HARS2: variants seen among roughly 807,000 people sequenced by gnomAD.
HARS2 encodes histidine--tRNA ligase, mitochondrial.
A neutral mutation model predicts 62.4 loss-of-function variants in HARS2; 40 were observed. That is an observed-to-expected ratio of 0.64 (90% CI 0.50 to 0.83). The LOEUF is 0.83. HARS2 is among the 40% of genes least tolerant of loss of function. HARS2 has a pLI of 0.00. For synonymous variants in HARS2, 228 were observed against 227.0 expected (o/e 1.00, Z -0.04); for missense variants, 569 against 626.4 (o/e 0.91, Z 0.98).
In HARS2 at chr5:140,698,100, A is replaced by G. The variant is rs1482488421; in HGVS notation, c.1461+22A>G. 1.1e-5 allele frequency: 17 copies of G among 1,611,796 alleles called. 1 individual carries two copies. The highest frequency in any genetic ancestry group is 1.4e-5 in the Non-Finnish European group (17 of 1,178,188). On this transcript the variant is annotated intron_variant, in intron 12 of 12. Transcript: ENST00000230771. ...GGAGGTGAGTGGCGGCAGCAGAAAT[A>G]GAAGGGACGAAGTATTTCTGCCTTT...
Position 140,698,711 on chromosome 5 carries a change from C to T in HARS2, c.*159C>T. On this transcript the variant is annotated 3_prime_UTR_variant, in exon 13 of 13. Transcript: ENST00000230771. Reference sequence around the variant, plus strand: ...TTCCTGGGTGCAGAACTGTAGAAGACCCTGAGGACTCCTGGGCTAGTGTGA... The same window carrying T: ...TTCCTGGGTGCAGAACTGTAGAAGATCCTGAGGACTCCTGGGCTAGTGTGA... 1.3e-6 allele frequency: 1 copy of T among 741,964 alleles called. No homozygotes were observed. Among genetic ancestry groups the T allele is most frequent in the Non-Finnish European group, 2.5e-6 (1 of 405,572 alleles). The allele number at this position is 741,964 out of a possible 1,614,324, so 46.0% of individuals were successfully genotyped here. A position where few individuals can be genotyped will look rare whatever the true frequency, so the allele number is the denominator to read the frequency against.
rs1484805419 is a variant in HARS2, at chr5:140,697,585, T to A, written c.1214T>A (p.Val405Glu). Residue 405 changes from valine (V) to glutamate (E), a missense_variant, in exon 11 of 13, where the codon GTG becomes GAG. By Grantham distance (121) the Val-to-Glu change is moderately radical. Coordinates refer to ENST00000230771, the MANE Select transcript of HARS2 (RefSeq NM_012208.4). ...TCTTATTAGACCAAAGGTGAGAAGG[T>A]GCGGACTACAGAGACTCAAGTGTTT... The part of the protein sequence containing the change: ...EQRMKTKGEK[V>E]RTTETQVFVA... 1 of 1,613,248 alleles carries A rather than the reference T, an allele frequency of 6.2e-7. No individual in the cohort carries two copies. Among genetic ancestry groups the A allele is most frequent in the Admixed American group, 1.7e-5 (1 of 60,008 alleles).
rs746101027 is a variant in HARS2 at position 140,697,635 on chromosome 5, C to G, written c.1264C>G (p.Leu422Val). The change falls in exon 11 of 13, where the codon CTC (leucine) becomes GTC (valine). Residue 422 changes from leucine (L) to valine (V), a missense_variant. By Grantham distance (32) the Leu-to-Val change is conservative. Transcript: ENST00000230771. ...VFVATPQKNFLQERLKLIAEL... is the reference protein window; with the variant it reads ...VFVATPQKNFVQERLKLIAEL... Reference sequence around the variant, plus strand: ...TGTGGCCACACCACAGAAGAACTTTCTCCAAGAACGGTTGAAGCTTATTGC... The same window carrying G: ...TGTGGCCACACCACAGAAGAACTTTGTCCAAGAACGGTTGAAGCTTATTGC... 19 of 1,614,104 alleles carry G rather than the reference C, an allele frequency of 1.2e-5. 1 individual carries two copies. In the East Asian group the frequency reaches 3.3e-4, roughly 28 times the overall value.
chr5:140,696,747 T>A, intron 8 of HARS2, 133 bp downstream of exon 8: 1 of 945,438 alleles, frequency 1.1e-6, no homozygotes, highest in African/African-American at 1.6e-5. Context: ...AATTTCTCTT[T>A]TACTTATTGT....
intron 11 of HARS2, 34 bp from the exon 12 acceptor site, chr5:140,697,898 T>C (rs1759818543): frequency 6.2e-7 from 1 of 1,609,056 alleles, no homozygotes; most frequent in African/African-American, 1.3e-5. Context: ...TGTGTTCACT[T>C]CTAAGTCCCT....
At position 140,696,924 on chromosome 5, in the gene HARS2, A is replaced by G; in HGVS notation, c.827-19A>G. 17 of 1,610,564 alleles carry G rather than the reference A, an allele frequency of 1.1e-5. No individual in the cohort carries two copies. Among genetic ancestry groups the G allele is most frequent in the Non-Finnish European group, 1.4e-5 (17 of 1,178,680 alleles). ...TGAAACACATGTGAGTGAACAGCAG[A>G]GACTTTATTTCTCTCCAGGTGGGGT... is the stretch of plus-strand genomic sequence containing the variant. On this transcript the variant is annotated intron_variant, in intron 8 of 12. Coordinates refer to ENST00000230771, the MANE Select transcript of HARS2 (RefSeq NM_012208.4).
At chr5:140,692,098 A>G in intron 1 of HARS2, 2 of 311,470 alleles carry the variant, frequency 6.4e-6, no homozygotes, top group East Asian at 7.1e-5. Context: ...AGCGAAATAT[A>G]TGAATATTCC....
intron 1 of HARS2, chr5:140,693,334 A>G (rs1025724581): frequency 2.0e-6 from 1 of 508,974 alleles, no homozygotes; most frequent in South Asian, 3.0e-5. Flanking sequence ...TCTGTCTCAA[A>G]AAAAAAAAAA....
At position 140,693,966 on chromosome 5, in the gene HARS2, TTG is replaced by T; in HGVS notation, c.218_219del (p.Val73GlufsTer6). 6.2e-7 allele frequency: 1 copy of T among 1,613,992 alleles called. No individual in the cohort carries two copies. The highest frequency in any genetic ancestry group is 1.1e-5 in the South Asian group (1 of 91,066). On this transcript the variant is annotated frameshift_variant, in exon 3 of 13. Transcript: ENST00000230771. LOFTEE classifies it high-confidence loss of function. The stretch of plus-strand genomic sequence containing the variant: ...AGGGATCTTAGTCCTCAGCATATGG[TTG>T]TGAGGGAGAAAATTCTTGATTTGGT...
In HARS2 at chr5:140,697,598, G is replaced by A. The variant is rs1034840778; in HGVS notation, c.1227G>A (p.Glu409=). 16 of 1,613,712 alleles carry A rather than the reference G, an allele frequency of 9.9e-6. No homozygotes were observed. The African/African-American group carries it at 2.1e-4, about 22-fold the overall frequency. The change falls in exon 11 of 13, where the codon GAG becomes GAA. Residue 409 remains glutamate (E), a synonymous_variant. Transcript: ENST00000230771. ...KTKGEKVRTT[E]TQVFVATPQK... Reference sequence around the variant, plus strand: ...AAGGTGAGAAGGTGCGGACTACAGAGACTCAAGTGTTTGTGGCCACACCAC... The same window carrying A: ...AAGGTGAGAAGGTGCGGACTACAGAAACTCAAGTGTTTGTGGCCACACCAC...
chr5:140,693,099 T>C (rs889956657), intron 1 of HARS2, among the ~76,000 whole-genome samples: 8 of 151,748 alleles, frequency 5.3e-5, no homozygotes, highest in African/African-American at 1.9e-4. Context: ...TTTGGGAGGC[T>C]GAAGCGGTTG....
Position 140,697,605 on chromosome 5 carries a change from G to T in HARS2, c.1234G>T (p.Val412Leu). 1 of 1,613,988 alleles carries T rather than the reference G, an allele frequency of 6.2e-7. No individual in the cohort carries two copies. Among genetic ancestry groups the T allele is most frequent in the South Asian group, 1.1e-5 (1 of 91,080 alleles). The change falls in exon 11 of 13, where the codon GTG (valine) becomes TTG (leucine). Residue 412 changes from valine to leucine, a missense_variant. Transcript: ENST00000230771. The stretch of plus-strand genomic sequence containing the variant: ...GAAGGTGCGGACTACAGAGACTCAA[G>T]TGTTTGTGGCCACACCACAGAAGAA... Reference protein sequence around the residue: ...GEKVRTTETQVFVATPQKNFL... With the variant: ...GEKVRTTETQLFVATPQKNFL...
At chr5:140,691,849 T>C in intron 1 of HARS2, 93 bp downstream of exon 1, 5 of 880,788 alleles carry the variant, frequency 5.7e-6, no homozygotes, top group African/African-American at 1.6e-5. Context: ...AGTGTTACAA[T>C]CGGTTTTTAT....
rs780351600 is a variant in HARS2 at position 140,694,054 on chromosome 5, G to A, written c.303G>A (p.Lys101=). ...KGMDTPAFEL[K]ETLTEKYGED... ...TGGACACCCCAGCATTTGAGCTGAA[G>A]GTAAGGGGAGAAGAAAGAGTACGTG... is the stretch of plus-strand genomic sequence containing the variant. Residue 101 remains lysine, a splice_region_variant and synonymous_variant, in exon 3 of 13, where the codon AAG becomes AAA. Coordinates refer to ENST00000230771, the MANE Select transcript of HARS2 (RefSeq NM_012208.4). The A allele has an allele frequency of 1.9e-6, 3 of 1,614,204 alleles. No individual in the cohort carries two copies. The South Asian group carries it at 3.3e-5, about 18-fold the overall frequency.
In HARS2 at chr5:140,697,406, G is replaced by A; in HGVS notation, c.1197G>A (p.Lys399=). The change falls in exon 10 of 13, where the codon AAG becomes AAA. Residue 399 remains lysine (K), a splice_region_variant and synonymous_variant. Coordinates refer to ENST00000230771, the MANE Select transcript of HARS2 (RefSeq NM_012208.4). The stretch of plus-strand genomic sequence containing the variant: ...TCTACATTGTGGAGCAGAGGATGAA[G>A]GTAGGTCCTAGATAGGTGTGAGGTG... ...RIFYIVEQRM[K]TKGEKVRTTE... is the part of the protein sequence containing the mutation. 6.2e-7 allele frequency: 1 copy of A among 1,613,770 alleles called. No individual in the cohort carries two copies. Among genetic ancestry groups the A allele is most frequent in the South Asian group, 1.1e-5 (1 of 91,082 alleles).
rs1207539784 is a variant in HARS2 at position 140,691,673 on chromosome 5, A to T, written c.25A>T (p.Arg9Trp). ...GATGCCCCTGCTCGGACTTCTTCCC[A>T]GGAGGGCCTGGGCTTCGCTGCTCAG... is the stretch of plus-strand genomic sequence containing the variant. MPLLGLLPRRAWASLLSQL... is the reference protein window; with the variant it reads MPLLGLLPWRAWASLLSQL... Residue 9 changes from arginine (R) to tryptophan (W), a missense_variant, in exon 1 of 13, where the codon AGG becomes TGG. Coordinates refer to ENST00000230771, the MANE Select transcript of HARS2 (RefSeq NM_012208.4). The T allele has an allele frequency of 6.4e-7, 1 of 1,551,226 alleles. No homozygotes were observed. The highest frequency in any genetic ancestry group is 1.2e-5 in the South Asian group (1 of 84,116).
chr5:140,696,911 G>T, intron 8 of HARS2, 32 bp from the exon 9 acceptor site: 4 of 1,601,886 alleles, frequency 2.5e-6, no homozygotes, highest in Non-Finnish European at 3.4e-6. Flanking sequence ...AAACACATGT[G>T]AGTGAACAGC....
Position 140,696,143 on chromosome 5 carries a change from G to A in HARS2, c.674G>A (p.Cys225Tyr). ...ATTGTGGATGGGATGTTTGCTGTCTGTGGTGTTCCTGAAAGCAAGTTCCGT... is the reference window on the plus strand; with the variant it reads ...ATTGTGGATGGGATGTTTGCTGTCTATGGTGTTCCTGAAAGCAAGTTCCGT... Reference protein sequence around the residue: ...RRIVDGMFAVCGVPESKFRAI... With the variant: ...RRIVDGMFAVYGVPESKFRAI... Residue 225 changes from cysteine (C) to tyrosine (Y), a missense_variant, in exon 7 of 13, where the codon TGT becomes TAT. By Grantham distance (194) the Cys-to-Tyr change is radical. Coordinates refer to ENST00000230771, the MANE Select transcript of HARS2 (RefSeq NM_012208.4). 1 of 1,614,018 alleles carries A rather than the reference G, an allele frequency of 6.2e-7. No homozygotes were observed. The highest frequency in any genetic ancestry group is 8.5e-7 in the Non-Finnish European group (1 of 1,179,990).
At chr5:140,694,579 T>A (rs925284678) in intron 4 of HARS2, among the ~76,000 whole-genome samples, 9 of 152,334 alleles carry the variant, frequency 5.9e-5, no homozygotes, top group African/African-American at 2.2e-4. Context: ...AAAAATTGTT[T>A]TTTTTGGCCA....
Sources: allele counts gnomAD v4.1 joint callset (sites outside exome capture counted in the v4.1 genomes callset), GRCh38; gene constraint gnomAD v4.1.1; transcripts MANE v1.5; gene names NCBI Gene and HGNC (gene_info 2026-07-23, HGNC 2026-07-21).